The following KLHL1 variants were observed in gnomAD, a reference collection of about 807,000 sequenced individuals.
The protein encoded by KLHL1 is kelch-like protein 1.
In KLHL1, 47 loss-of-function variants were observed where a neutral mutation model predicts 77.7. The ratio of observed to expected loss-of-function variants is 0.60; its 90% CI spans 0.48 to 0.77. KLHL1 has a LOEUF of 0.77. Among genes scored for constraint, KLHL1 ranks in the 30% least tolerant of loss-of-function variants. The pLI is 0.00. For synonymous variants in KLHL1, 360 were observed against 325.2 expected (o/e 1.11, Z -1.15); for missense variants, 925 against 910.8 (o/e 1.02, Z -0.20).
At chr13:69,914,746 T>G (rs1353930609) in intron 4 of KLHL1, among the ~76,000 whole-genome samples, 1 of 152,202 alleles carries the variant, frequency 6.6e-6, no homozygotes, top group South Asian at 2.1e-4. Context: ...AATATATATA[T>G]GTATACATGA....
At chr13:69,884,647 A>G (rs1469016430) in intron 4 of KLHL1, among the ~76,000 whole-genome samples, 1 of 152,124 alleles carries the variant, frequency 6.6e-6, no homozygotes, top group East Asian at 1.9e-4. Flanking sequence ...TTCAAGGCAT[A>G]TTTCATTATA....
intron 1 of KLHL1, among the ~76,000 whole-genome samples, chr13:70,008,738 T>C (rs1283620065): frequency 6.6e-6 from 1 of 152,164 alleles, no homozygotes; most frequent in African/African-American, 2.4e-5. Context: ...GACAAAACTC[T>C]ATTAATTATT....
chr13:69,983,620 A>T (rs1884780803), intron 1 of KLHL1, among the ~76,000 whole-genome samples: 1 of 146,570 alleles, frequency 6.8e-6, no homozygotes, highest in South Asian at 2.1e-4. Context: ...AAAAAAAAAA[A>T]GCTGTGTTTG....
chr13:69,761,055 G>T (rs999997492), intron 7 of KLHL1, among the ~76,000 whole-genome samples: 1 of 152,054 alleles, frequency 6.6e-6, no homozygotes, highest in Non-Finnish European at 1.5e-5. Flanking sequence ...GAGTTGCCAG[G>T]AAAAGCTTAA....
chr13:69,768,253 A>G (rs533845786), intron 7 of KLHL1, among the ~76,000 whole-genome samples: 26 of 152,280 alleles, frequency 1.7e-4, no homozygotes, highest in Admixed American at 1.7e-3. Flanking sequence ...GATTGTATTA[A>G]AAGAATTTAG....
chr13:69,851,845 G>GA (rs1879703113), intron 5 of KLHL1, among the ~76,000 whole-genome samples: 1 of 151,606 alleles, frequency 6.6e-6, no homozygotes, highest in East Asian at 2.0e-4. Context: ...TTATCATTAA[G>GA]AAAAAAATCT....
chr13:69,724,609 T>G (rs1214013932), intron 8 of KLHL1, among the ~76,000 whole-genome samples: 1 of 152,016 alleles, frequency 6.6e-6, no homozygotes, highest in Non-Finnish European at 1.5e-5. Context: ...ATTATCATCA[T>G]AATACCTGCA....
chr13:69,939,898 C>T (rs1479074977), intron 4 of KLHL1, 142 bp downstream of exon 4: 6 of 553,140 alleles, frequency 1.1e-5, no homozygotes, highest in Non-Finnish European at 1.6e-5. Flanking sequence ...TTATGGTACG[C>T]TATAGTTCAT....
chr13:69,781,992 C>G (rs1593825232), intron 7 of KLHL1, among the ~76,000 whole-genome samples: 1 of 152,152 alleles, frequency 6.6e-6, no homozygotes, highest in Admixed American at 6.5e-5. Context: ...TTGCAGCAAA[C>G]ATTTTAAATT....
At position 69,719,463 on chromosome 13, in the gene KLHL1, C is replaced by T. The variant is rs376662373; in HGVS notation, c.1921G>A (p.Gly641Arg). The change falls in exon 9 of 11, where the codon GGA becomes AGA. Residue 641 changes from glycine to arginine, a missense_variant. Physicochemically the swap from Gly to Arg is moderately radical, Grantham distance 125. Transcript: ENST00000377844. ...APMCKRRGGV[G>R]VATCDGFLYA... ...AGAAAACCGTCACATGTGGCCACTCCGACACCCCCTCTCCTCTTACACATG... is the reference window on the plus strand; with the variant it reads ...AGAAAACCGTCACATGTGGCCACTCTGACACCCCCTCTCCTCTTACACATG... The T allele has an allele frequency of 5.0e-6, 8 of 1,613,480 alleles. No homozygotes were observed. The highest frequency in any genetic ancestry group is 1.1e-5 in the South Asian group (1 of 91,066).
At chr13:70,077,952 AG>A (rs1361977177) in intron 1 of KLHL1, among the ~76,000 whole-genome samples, 2 of 152,090 alleles carry the variant, frequency 1.3e-5, no homozygotes, top group Admixed American at 6.6e-5. Context: ...ATTAAATAAA[AG>A]GTCAAGTAAA....
intron 7 of KLHL1, among the ~76,000 whole-genome samples, chr13:69,768,462 G>A (rs1184685391): frequency 6.6e-6 from 1 of 152,052 alleles, no homozygotes; most frequent in Non-Finnish European, 1.5e-5. Context: ...TGACTAATCA[G>A]GGAAACTTAA....
At position 69,700,597 on chromosome 13, in the gene KLHL1, T is replaced by C. The variant is rs1054270008; in HGVS notation, c.*1105A>G. On this transcript the variant is annotated 3_prime_UTR_variant, in exon 11 of 11. Transcript: ENST00000377844. ...AATTTATTAAAAATACACTGATAAATGCAAATTTTTTGATCATTTATTAAT... is the reference window on the plus strand; with the variant it reads ...AATTTATTAAAAATACACTGATAAACGCAAATTTTTTGATCATTTATTAAT... The C allele has an allele frequency of 6.6e-6, 1 of 152,470 alleles. No homozygotes were observed. The highest frequency in any genetic ancestry group is 1.5e-5 in the Non-Finnish European group (1 of 67,898). 9.4% of individuals were successfully genotyped at this position (152,470 alleles called of 1,614,324 possible).
intron 7 of KLHL1, among the ~76,000 whole-genome samples, chr13:69,754,204 A>G (rs1593799165): frequency 6.6e-6 from 1 of 152,146 alleles, no homozygotes. Context: ...TAGGATTATT[A>G]ATAAAATTAA....
chr13:70,079,294 A>C (rs550579626), intron 1 of KLHL1, among the ~76,000 whole-genome samples: 46 of 152,260 alleles, frequency 3.0e-4, no homozygotes, highest in African/African-American at 1.1e-3. Flanking sequence ...AGATTCACTG[A>C]ATCAAAATCT....
intron 1 of KLHL1, among the ~76,000 whole-genome samples, chr13:69,976,940 A>C (rs1179896961): frequency 6.6e-6 from 1 of 152,122 alleles, no homozygotes; most frequent in Non-Finnish European, 1.5e-5. Context: ...TTAACAACAT[A>C]GAGTGAGAGT....
chr13:69,801,728 C>A (rs999987174), intron 6 of KLHL1, among the ~76,000 whole-genome samples: 1 of 151,132 alleles, frequency 6.6e-6, no homozygotes, highest in Admixed American at 6.6e-5. Flanking sequence ...TATTTATGTC[C>A]AATTTTATAA....
chr13:69,978,164 A>C (rs17086026), intron 1 of KLHL1, among the ~76,000 whole-genome samples: 1,581 of 152,194 alleles, frequency 0.01, 12 homozygotes, highest in African/African-American at 0.02. Flanking sequence ...TCCACCTGTT[A>C]ACGCATTGAA....
chr13:69,722,594 C>T (rs1873115296), intron 8 of KLHL1, among the ~76,000 whole-genome samples: 1 of 151,782 alleles, frequency 6.6e-6, no homozygotes, highest in Non-Finnish European at 1.5e-5. Flanking sequence ...ATCATAACCA[C>T]AATGAGATAT....
Sources: allele counts gnomAD v4.1 joint callset (sites outside exome capture counted in the v4.1 genomes callset), GRCh38; gene constraint gnomAD v4.1.1; transcripts MANE v1.5; gene names NCBI Gene and HGNC (gene_info 2026-07-23, HGNC 2026-07-21).